The following TRHDE variants were observed in gnomAD, a reference collection of about 807,000 sequenced individuals.
The protein encoded by TRHDE is thyrotropin-releasing hormone-degrading ectoenzyme.
In TRHDE, 72 loss-of-function variants were observed where a neutral mutation model predicts 125.7. That is an observed-to-expected ratio of 0.57 (90% CI 0.47 to 0.70). The LOEUF (loss-of-function observed/expected upper bound fraction) is 0.70. Ranked by LOEUF, TRHDE falls within the 30% of genes least tolerant of loss-of-function variation. The probability of loss-of-function intolerance (pLI) is 0.00; values close to 1 mark genes in which losing one functional copy is unlikely to be tolerated. For missense variants in TRHDE, 1,110 were observed against 1,327.1 expected (o/e 0.84, Z 2.54); for synonymous variants, 509 against 509.1 (o/e 1.00, Z 0.00).
intron 15 of TRHDE, among the ~76,000 whole-genome samples, chr12:72,639,273 A>C (rs1442586610): frequency 6.6e-6 from 1 of 151,930 alleles, no homozygotes; most frequent in South Asian, 2.1e-4. Flanking sequence ...CATCGCTGAT[A>C]CCCTTTCTTC....
intron 2 of TRHDE, among the ~76,000 whole-genome samples, chr12:72,338,792 A>G (rs990906006): frequency 6.6e-6 from 1 of 152,166 alleles, no homozygotes; most frequent in African/African-American, 2.4e-5. Context: ...AACCTACAAC[A>G]TGTCTTTATA....
chr12:72,114,137 G>C (rs952988947), intron 2 of TRHDE, among the ~76,000 whole-genome samples: 7 of 151,668 alleles, frequency 4.6e-5, no homozygotes, highest in African/African-American at 1.7e-4. Flanking sequence ...TTTATGCCAG[G>C]GGCTCCTGGA....
At chr12:72,564,319 G>A (rs143999374) in intron 9 of TRHDE, among the ~76,000 whole-genome samples, 2 of 152,108 alleles carry the variant, frequency 1.3e-5, no homozygotes, top group African/African-American at 4.8e-5. Context: ...TCTGGCCCCA[G>A]GCAAAACAAG....
chr12:72,141,727 A>G (rs1415518527), intron 2 of TRHDE, among the ~76,000 whole-genome samples: 1 of 152,214 alleles, frequency 6.6e-6, no homozygotes, highest in African/African-American at 2.4e-5. Context: ...GACATGCTAT[A>G]ATGTAGGTAG....
intron 2 of TRHDE, among the ~76,000 whole-genome samples, chr12:72,205,909 T>C (rs1415407398): frequency 1.3e-5 from 2 of 152,140 alleles, no homozygotes; most frequent in Non-Finnish European, 2.9e-5. Context: ...CCGTTTTTAA[T>C]TTTTTGAGAA....
intron 2 of TRHDE, among the ~76,000 whole-genome samples, chr12:72,232,317 A>C (rs922968593): frequency 6.6e-6 from 1 of 152,158 alleles, no homozygotes. Context: ...GCTCTGGCCT[A>C]TAGAGGTGGT....
At chr12:72,523,161 T>C (rs577441571) in intron 6 of TRHDE, among the ~76,000 whole-genome samples, 1 of 152,242 alleles carries the variant, frequency 6.6e-6, no homozygotes, top group South Asian at 2.1e-4. Context: ...TTCTTTTTCC[T>C]GAAGAATAAG....
At chr12:72,399,612 G>A (rs1872952962) in intron 3 of TRHDE, among the ~76,000 whole-genome samples, 1 of 151,972 alleles carries the variant, frequency 6.6e-6, no homozygotes, top group Non-Finnish European at 1.5e-5. Flanking sequence ...CTTGGCAAAA[G>A]TGAAAATTTT....
intron 3 of TRHDE, among the ~76,000 whole-genome samples, chr12:72,384,368 G>GT (rs1872323239): frequency 6.6e-6 from 1 of 152,092 alleles, no homozygotes; most frequent in Admixed American, 6.5e-5. Context: ...GGAGATTGTG[G>GT]TTTTGTCGAG....
intron 2 of TRHDE, among the ~76,000 whole-genome samples, chr12:72,349,122 G>A (rs11608809): frequency 0.11 from 16,492 of 152,010 alleles, 1,239 homozygotes; most frequent in African/African-American, 0.2. Flanking sequence ...ATTTTATACC[G>A]TAGTTGTAAT....
Position 72,430,281 on chromosome 12 carries a change from TTG to T in TRHDE, c.1316-39467_1316-39466del, listed in dbSNP as rs1434118125. Among the ~76,000 whole-genome samples the T allele has an allele frequency of 3.0e-4, 43 of 143,372 alleles. 1 individual carries two copies. The highest frequency in any genetic ancestry group is 6.3e-4 in the Admixed American group (9 of 14,260). The allele number at this position is 143,372 out of a possible 152,430, so 94.1% of individuals were successfully genotyped here. A position where few individuals can be genotyped will look rare whatever the true frequency, so the allele number is the denominator to read the frequency against. On this transcript the variant is annotated intron_variant, in intron 3 of 18. Coordinates refer to ENST00000261180, the MANE Select transcript of TRHDE (RefSeq NM_013381.3). ...TATATAATACACACATATAAAACTGTTGTGTGTGTGTATATATGTATATATAT... is the reference window on the plus strand; with the variant it reads ...TATATAATACACACATATAAAACTGTTGTGTGTGTATATATGTATATATAT...
At chr12:72,136,829 A>G (rs1039594002) in intron 2 of TRHDE, among the ~76,000 whole-genome samples, 4 of 151,812 alleles carry the variant, frequency 2.6e-5, no homozygotes, top group Non-Finnish European at 4.4e-5. Flanking sequence ...CCATGGCAAA[A>G]CTCGCACCTA....
chr12:72,570,533 A>T (rs970299617), intron 10 of TRHDE, among the ~76,000 whole-genome samples: 1 of 142,412 alleles, frequency 7.0e-6, no homozygotes, highest in Non-Finnish European at 1.5e-5. Flanking sequence ...GTGAGCCGAG[A>T]TCGCGCTATG....
At chr12:72,645,242 T>C (rs1874234497) in intron 15 of TRHDE, among the ~76,000 whole-genome samples, 1 of 152,008 alleles carries the variant, frequency 6.6e-6, no homozygotes, top group South Asian at 2.1e-4. Flanking sequence ...CATTAAAAAA[T>C]GATAATTTAA....
chr12:72,506,985 T>A (rs1224680170), intron 6 of TRHDE, among the ~76,000 whole-genome samples: 1 of 152,180 alleles, frequency 6.6e-6, no homozygotes, highest in Non-Finnish European at 1.5e-5. Context: ...TGAGTTCTCA[T>A]GAGATCTGGC....
chr12:72,421,007 C>T (rs1267913805), intron 3 of TRHDE, among the ~76,000 whole-genome samples: 12 of 148,748 alleles, frequency 8.1e-5, no homozygotes, highest in African/African-American at 2.2e-4. Flanking sequence ...CTTGCTTTGT[C>T]GCCCAGGCTG....
At chr12:72,453,278 G>A (rs1875671139) in intron 3 of TRHDE, among the ~76,000 whole-genome samples, 1 of 152,180 alleles carries the variant, frequency 6.6e-6, no homozygotes, top group Admixed American at 6.5e-5. Flanking sequence ...TTTTGCCTAA[G>A]CAAAGAACTT....
chr12:72,396,081 C>A (rs538349802), intron 3 of TRHDE, among the ~76,000 whole-genome samples: 5 of 152,068 alleles, frequency 3.3e-5, no homozygotes. Flanking sequence ...GACCCTATGT[C>A]CTCTGGATGC....
At chr12:72,097,593 G>T (rs542515978) in intron 1 of TRHDE, among the ~76,000 whole-genome samples, 1 of 152,014 alleles carries the variant, frequency 6.6e-6, no homozygotes, top group East Asian at 1.9e-4. Flanking sequence ...GGGACTACAG[G>T]TGTGTATCAC....
Sources: allele counts gnomAD v4.1 joint callset (sites outside exome capture counted in the v4.1 genomes callset), GRCh38; gene constraint gnomAD v4.1.1; transcripts MANE v1.5; gene names NCBI Gene and HGNC (gene_info 2026-07-23, HGNC 2026-07-21).